Variants in GUSB observed in about 807,000 individuals in gnomAD.
GUSB encodes the protein glucuronidase beta, also known as beta-glucuronidase.
Under a neutral mutation model 74.6 loss-of-function variants are expected in GUSB, and 51 were observed. That is an observed-to-expected ratio of 0.68 (90% CI 0.55 to 0.86). GUSB has a LOEUF of 0.86. GUSB is among the 40% of genes least tolerant of loss of function. The pLI is 0.00. For synonymous variants in GUSB, 360 were observed against 348.3 expected (o/e 1.03, Z -0.37); for missense variants, 736 against 853.7 (o/e 0.86, Z 1.72).
chr7:65,979,854 C>G lies in GUSB; in HGVS notation c.454G>C (p.Asp152His). Residue 152 changes from aspartate to histidine, a missense_variant, in exon 3 of 12, where the codon GAC (aspartate) becomes CAC (histidine). By Grantham distance (81) the Asp-to-His change is moderately conservative. Coordinates refer to ENST00000304895, the MANE Select transcript of GUSB (RefSeq NM_000181.4). ...HEGGYLPFEA[D>H]ISNLVQVGPL... ...CCCACCTGGACCAGGTTGCTGATGTCGGCCTCGAAGGGGAGGTAGCCCCCC... is the reference window on the plus strand; with the variant it reads ...CCCACCTGGACCAGGTTGCTGATGTGGGCCTCGAAGGGGAGGTAGCCCCCC... 6.2e-7 allele frequency: 1 copy of G among 1,613,284 alleles called. No individual in the cohort carries two copies. The highest frequency in any genetic ancestry group is 8.5e-7 in the Non-Finnish European group (1 of 1,179,838).
rs1583924112 is a variant in GUSB, at chr7:65,974,945, C to T, written c.1039G>A (p.Gly347Ser). ...TCCGCATCCTCATGCTTGTTGACAC[C>T]GTGGAAATAGAAAGGTTTCCCATTG... ...LINGKPFYFH[G>S]VNKHEDADIR... Residue 347 changes from glycine to serine, a missense_variant, in exon 6 of 12, where the codon GGT (glycine) becomes AGT (serine). Gly to Ser is a moderately conservative substitution (Grantham distance 56). Coordinates refer to ENST00000304895, the MANE Select transcript of GUSB (RefSeq NM_000181.4). The T allele has an allele frequency of 3.7e-6, 6 of 1,613,886 alleles. No homozygotes were observed. The highest frequency in any genetic ancestry group is 5.1e-6 in the Non-Finnish European group (6 of 1,179,840).
chr7:65,963,170 C>G (rs1790610347), intron 11 of GUSB, among the ~76,000 whole-genome samples: 1 of 152,026 alleles, frequency 6.6e-6, no homozygotes, highest in Non-Finnish European at 1.5e-5. Context: ...CAGCTCATTT[C>G]TTACCGCATA....
intron 1 of GUSB, 65 bp downstream of exon 1, chr7:65,981,909 C>G: frequency 3.6e-6 from 5 of 1,377,918 alleles, no homozygotes; most frequent in Non-Finnish European, 4.9e-6. Flanking sequence ...CTGCGGGGGG[C>G]CCGGGCTCCC....
intron 11 of GUSB, among the ~76,000 whole-genome samples, chr7:65,962,191 T>C (rs1242144848): frequency 6.6e-6 from 1 of 152,038 alleles, no homozygotes; most frequent in African/African-American, 2.4e-5. Flanking sequence ...CAGCCACAGG[T>C]CCCTGCGTGG....
At chr7:65,980,700 C>G in intron 1 of GUSB, 5 of 467,040 alleles carry the variant, frequency 1.1e-5, no homozygotes, top group South Asian at 8.3e-5. Flanking sequence ...AGACCTGTGA[C>G]TAAGAGGCAG....
intron 10 of GUSB, among the ~76,000 whole-genome samples, chr7:65,967,274 G>A (rs942061117): frequency 1.3e-5 from 2 of 152,080 alleles, no homozygotes; most frequent in Non-Finnish European, 2.9e-5. Flanking sequence ...GGGCAACATG[G>A]CAAGACCCCA....
At chr7:65,979,963 G>C (rs1791882031) in intron 2 of GUSB, 52 bp from the exon 3 acceptor site, 2 of 1,438,604 alleles carry the variant, frequency 1.4e-6, no homozygotes, top group Admixed American at 2.0e-5. Flanking sequence ...GCATGAGGAG[G>C]CGCCCTACTA....
intron 1 of GUSB, among the ~76,000 whole-genome samples, chr7:65,981,232 CTTT>C (rs71051326): frequency 1.8e-4 from 18 of 100,826 alleles, no homozygotes; most frequent in Non-Finnish European, 2.7e-4. Context: ...GTTTTTTTGC[CTTT>C]TTTTTTTTTT....
At position 65,975,164 on chromosome 7, in the gene GUSB, C is replaced by T. The variant is rs539536330; in HGVS notation, c.913-93G>A. On this transcript the variant is annotated intron_variant, in intron 5 of 11. Transcript: ENST00000304895. Reference sequence around the variant, plus strand: ...CAGGAAGGCCCCTCGTGCACCCCAGCAGCTGCCTCTGGGCCTGTAAGCAGA... The same window carrying T: ...CAGGAAGGCCCCTCGTGCACCCCAGTAGCTGCCTCTGGGCCTGTAAGCAGA... 13 of 1,101,436 alleles carry T rather than the reference C, an allele frequency of 1.2e-5. No homozygotes were observed. In the African/African-American group the frequency reaches 1.7e-4, roughly 14 times the overall value. 68.2% of individuals were successfully genotyped at this position (1,101,436 alleles called of 1,614,324 possible). A position where few individuals can be genotyped will look rare whatever the true frequency, so the allele number is the denominator to read the frequency against.
intron 1 of GUSB, among the ~76,000 whole-genome samples, chr7:65,981,230 GC>G (rs1791994014): frequency 1.2e-5 from 1 of 85,420 alleles, no homozygotes. Context: ...AAGTTTTTTT[GC>G]CTTTTTTTTT....
At position 65,979,873 on chromosome 7, in the gene GUSB, GC is replaced by G. The variant is rs1791872095; in HGVS notation, c.434del (p.Gly145AlafsTer45). ...TGATGTCGGCCTCGAAGGGGAGGTA[GC>G]CCCCCTCATGCTCTAGCGTGTCGAC... ...NGVDTLEHEG[G>X]YLPFEADISN... On this transcript the variant is annotated frameshift_variant, in exon 3 of 12. Coordinates refer to ENST00000304895, the MANE Select transcript of GUSB (RefSeq NM_000181.4). LOFTEE classifies it high-confidence loss of function. 5 of 1,611,902 alleles carry G rather than the reference GC, an allele frequency of 3.1e-6. No individual in the cohort carries two copies. The highest frequency in any genetic ancestry group is 4.2e-6 in the Non-Finnish European group (5 of 1,179,488).
At chr7:65,967,115 G>A (rs199647969) in intron 10 of GUSB, among the ~76,000 whole-genome samples, 1 of 152,046 alleles carries the variant, frequency 6.6e-6, no homozygotes, top group Non-Finnish European at 1.5e-5. Context: ...CTGACCAGAG[G>A]TTAGGGCTTT....
Position 65,974,996 on chromosome 7 carries a change from CCA to C in GUSB, c.986_987del (p.Val329GlyfsTer23). On this transcript the variant is annotated frameshift_variant, in exon 6 of 12. Coordinates refer to ENST00000304895, the MANE Select transcript of GUSB (RefSeq NM_000181.4). LOFTEE classifies it high-confidence loss of function. The stretch of plus-strand genomic sequence containing the variant: ...ATGAGGAACTGGCTCTTGGTGACAG[CCA>C]CAGTGCGGATCCCCACAGGGAGTGT... ...FYTLPVGIRTVAVTKSQFLIN... is the reference protein window; with the variant it reads ...FYTLPVGIRTXAVTKSQFLIN... 6.2e-7 allele frequency: 1 copy of C among 1,613,326 alleles called. No individual in the cohort carries two copies. Among genetic ancestry groups the C allele is most frequent in the Admixed American group, 1.7e-5 (1 of 60,002 alleles).
chr7:65,967,078 A>G (rs1790884510), intron 10 of GUSB, among the ~76,000 whole-genome samples: 1 of 152,180 alleles, frequency 6.6e-6, no homozygotes, highest in African/African-American at 2.4e-5. Flanking sequence ...ATGAAAACCC[A>G]GGAGAGAGCA....
At position 65,974,517 on chromosome 7, in the gene GUSB, G is replaced by C. The variant is rs1443626818; in HGVS notation, c.1244+9C>G. On this transcript the variant is annotated intron_variant, in intron 7 of 11. Coordinates refer to ENST00000304895, the MANE Select transcript of GUSB (RefSeq NM_000181.4). ...GGGCAGGCGGAGCAGGTGCACAGCA[G>C]AGACTCACGGCAGCGCCAGGCCCAC... 1 of 1,614,040 alleles carries C rather than the reference G, an allele frequency of 6.2e-7. No individual in the cohort carries two copies. Among genetic ancestry groups the C allele is most frequent in the Non-Finnish European group, 8.5e-7 (1 of 1,180,044 alleles).
chr7:65,973,189 C>T (rs562627766), intron 8 of GUSB, among the ~76,000 whole-genome samples: 25 of 152,250 alleles, frequency 1.6e-4, no homozygotes, highest in Non-Finnish European at 3.2e-4. Context: ...CGGTGGCTCA[C>T]GCCTGTAATC....
Position 65,967,641 on chromosome 7 carries a change from G to A in GUSB, c.1653+90C>T, listed in dbSNP as rs143677154. On this transcript the variant is annotated intron_variant, in intron 10 of 11. Coordinates refer to ENST00000304895, the MANE Select transcript of GUSB (RefSeq NM_000181.4). ...AGAGCCCAAAGCTGAAGCGAGGGGA[G>A]CAGTGCAGTGGGCGCAGGTCAGGCT... 3.5e-4 allele frequency: 371 copies of A among 1,061,006 alleles called. No individual in the cohort carries two copies. The East Asian group carries it at 8.5e-3, about 24-fold the overall frequency. The allele number at this position is 1,061,006 out of a possible 1,614,324, so 65.7% of individuals were successfully genotyped here. A position where few individuals can be genotyped will look rare whatever the true frequency, so the allele number is the denominator to read the frequency against.
rs1009682912 is a variant in GUSB, at chr7:65,978,697, G to A, written c.724+702C>T. Among the ~76,000 whole-genome samples, 21 of 151,180 alleles carry A rather than the reference G, an allele frequency of 1.4e-4. 1 individual carries two copies. Among genetic ancestry groups the A allele is most frequent in the Admixed American group, 9.9e-4 (15 of 15,156 alleles). ...TGAGGCAGGAGAATCGCTTGAACCC[G>A]GGAGGCAGAGGTTGCAGTGAGCCAA... is the stretch of plus-strand genomic sequence containing the variant. On this transcript the variant is annotated intron_variant, in intron 4 of 11. Transcript: ENST00000304895.
Position 65,982,115 on chromosome 7 carries a change from C to A in GUSB, c.69G>T (p.Leu23=). 6.3e-7 allele frequency: 1 copy of A among 1,580,798 alleles called. No individual in the cohort carries two copies. The highest frequency in any genetic ancestry group is 8.6e-7 in the Non-Finnish European group (1 of 1,164,536). ...CCTGGGGGTACAGCATCCCGCCCTG[C>A]AGCCCCAGCGCGCAGCCCCACAACA... ...GPLLWGCALG[L]QGGMLYPQES... is the part of the protein sequence containing the mutation. Residue 23 remains leucine, a synonymous_variant, in exon 1 of 12, where the codon CTG becomes CTT. Coordinates refer to ENST00000304895, the MANE Select transcript of GUSB (RefSeq NM_000181.4).
Sources: allele counts gnomAD v4.1 joint callset (sites outside exome capture counted in the v4.1 genomes callset), GRCh38; gene constraint gnomAD v4.1.1; transcripts MANE v1.5; gene names NCBI Gene and HGNC (gene_info 2026-07-23, HGNC 2026-07-21).